CHRM3: variants seen among roughly 807,000 people sequenced by gnomAD.
CHRM3 encodes the protein cholinergic receptor muscarinic 3, also known as muscarinic acetylcholine receptor M3.
A neutral mutation model predicts 41.8 loss-of-function variants in CHRM3; 11 were observed. That is an observed-to-expected ratio of 0.26 (90% confidence interval 0.17 to 0.44). CHRM3 has a LOEUF of 0.44. CHRM3 is among the 20% of genes least tolerant of loss of function. The pLI, the probability that CHRM3 is intolerant of heterozygous loss-of-function variation, is 1.00. For synonymous variants in CHRM3, 297 were observed against 301.4 expected (o/e 0.99, Z 0.15); for missense variants, 571 against 745.4 (o/e 0.77, Z 2.72).
intron 6 of CHRM3, among the ~76,000 whole-genome samples, chr1:239,869,675 A>G (rs541164037): frequency 1.3e-5 from 2 of 152,216 alleles, no homozygotes; most frequent in African/African-American, 4.8e-5. Flanking sequence ...AGAGCTTATA[A>G]TGTGTACTTA....
chr1:239,678,393 A>T (rs2149088003), intron 5 of CHRM3, 105 bp downstream of exon 5: 1 of 152,318 alleles, frequency 6.6e-6, no homozygotes. Context: ...CTGAACAATT[A>T]AATTCATGTG....
Position 239,877,922 on chromosome 1 carries a change from G to T in CHRM3, c.-19-29511G>T, listed in dbSNP as rs185261607. On this transcript the variant is annotated intron_variant, in intron 6 of 6. Coordinates refer to ENST00000676153, the MANE Select transcript of CHRM3 (RefSeq NM_001375978.1). Reference sequence around the variant, plus strand: ...TTTTTTTTTAATGAGACAGAGTCTCGCTCTATCGCCCAGGCTGGAGTGCAG... The same window carrying T: ...TTTTTTTTTAATGAGACAGAGTCTCTCTCTATCGCCCAGGCTGGAGTGCAG... 2.7e-5 allele frequency among the ~76,000 whole-genome samples: 4 copies of T among 148,122 alleles called. No individual in the cohort carries two copies. The South Asian group carries it at 8.6e-4, about 32-fold the overall frequency.
intron 3 of CHRM3, among the ~76,000 whole-genome samples, chr1:239,594,692 T>G (rs1259089319): frequency 6.6e-6 from 1 of 152,200 alleles, no homozygotes; most frequent in Non-Finnish European, 1.5e-5. Context: ...TGCAGAAAAC[T>G]TATGGAATAT....
chr1:239,563,231 A>AT (rs1453990929), intron 3 of CHRM3, among the ~76,000 whole-genome samples: 1 of 151,798 alleles, frequency 6.6e-6, no homozygotes, highest in East Asian at 1.9e-4. Flanking sequence ...CCAGGTGCAC[A>AT]TTTTTTTCTC....
chr1:239,504,981 G>A (rs1277772584), intron 2 of CHRM3, among the ~76,000 whole-genome samples: 1 of 151,814 alleles, frequency 6.6e-6, no homozygotes, highest in African/African-American at 2.4e-5. Context: ...TTGGGTGATG[G>A]GTACACCAAA....
chr1:239,910,319 G>GTA lies in CHRM3; in HGVS notation c.*1109_*1110dup, dbSNP rs1207768024. On this transcript the variant is annotated 3_prime_UTR_variant, in exon 7 of 7. Transcript: ENST00000676153. ...CATACACAGCAATATATATATATGT[G>GTA]TATATATATATATATGGCAAAGCAA... 197 of 157,142 alleles carry GTA rather than the reference G, an allele frequency of 1.3e-3. No individual in the cohort carries two copies. The highest frequency in any genetic ancestry group is 1.9e-3 in the South Asian group (9 of 4,636). The allele number at this position is 157,142 out of a possible 1,614,324, so 9.7% of individuals were successfully genotyped here.
At chr1:239,614,363 G>A (rs565490005) in intron 3 of CHRM3, among the ~76,000 whole-genome samples, 1 of 152,124 alleles carries the variant, frequency 6.6e-6, no homozygotes, top group Non-Finnish European at 1.5e-5. Context: ...ACAGAAGGTA[G>A]GAAAGTGGCT....
At chr1:239,587,702 C>T (rs1018668328) in intron 3 of CHRM3, among the ~76,000 whole-genome samples, 2 of 152,128 alleles carry the variant, frequency 1.3e-5, no homozygotes, top group African/African-American at 4.8e-5. Flanking sequence ...TTCTTAACTC[C>T]TAAGCAACGA....
chr1:239,557,708 C>T (rs772879656), intron 3 of CHRM3, among the ~76,000 whole-genome samples: 1 of 152,140 alleles, frequency 6.6e-6, no homozygotes, highest in Non-Finnish European at 1.5e-5. Context: ...CATTGTTCAG[C>T]TCCCACTTAT....
chr1:239,909,059 C>T lies in CHRM3; in HGVS notation c.1608C>T (p.Asn536=), dbSNP rs776058750. The T allele has an allele frequency of 1.9e-6, 3 of 1,614,062 alleles. No homozygotes were observed. Among genetic ancestry groups the T allele is most frequent in the South Asian group, 1.1e-5 (1 of 91,092 alleles). The stretch of plus-strand genomic sequence containing the variant: ...TGGGCTACTGGCTGTGCTACATCAA[C>T]AGCACCGTGAACCCCGTGTGCTATG... The part of the protein sequence containing the change: ...WNLGYWLCYI[N]STVNPVCYAL... Residue 536 remains asparagine (N), a synonymous_variant, in exon 7 of 7, where the codon AAC becomes AAT. Transcript: ENST00000676153.
At chr1:239,557,690 C>T (rs1196576896) in intron 3 of CHRM3, among the ~76,000 whole-genome samples, 2 of 152,074 alleles carry the variant, frequency 1.3e-5, no homozygotes, top group Admixed American at 6.6e-5. Context: ...CCTGTGTCCA[C>T]GTGTTCTCAT....
intron 5 of CHRM3, among the ~76,000 whole-genome samples, chr1:239,740,340 CT>C (rs953677514): frequency 6.9e-5 from 10 of 145,628 alleles, no homozygotes; most frequent in South Asian, 2.1e-4. Flanking sequence ...AAAATTGTTT[CT>C]TTTTTTTTTC....
intron 3 of CHRM3, among the ~76,000 whole-genome samples, chr1:239,586,995 G>A (rs186532419): frequency 2.0e-5 from 3 of 152,296 alleles, no homozygotes; most frequent in African/African-American, 7.2e-5. Flanking sequence ...TGAGAAATCT[G>A]GGCTCCTACT....
chr1:239,434,599 C>T (rs544123950), intron 1 of CHRM3, among the ~76,000 whole-genome samples: 78 of 152,290 alleles, frequency 5.1e-4, no homozygotes, highest in Non-Finnish European at 8.8e-4. Flanking sequence ...ACCACTCTCC[C>T]AGTAATGGGC....
chr1:239,633,645 T>A (rs2148881472), intron 4 of CHRM3, among the ~76,000 whole-genome samples: 1 of 152,254 alleles, frequency 6.6e-6, no homozygotes, highest in Non-Finnish European at 1.5e-5. Flanking sequence ...GGGGAGAGAC[T>A]TTCAAGAGGA....
At chr1:239,747,694 C>T (rs1665486753) in intron 5 of CHRM3, among the ~76,000 whole-genome samples, 1 of 152,164 alleles carries the variant, frequency 6.6e-6, no homozygotes, top group African/African-American at 2.4e-5. Flanking sequence ...AACATGTTTT[C>T]AAACTATTTT....
intron 5 of CHRM3, among the ~76,000 whole-genome samples, chr1:239,824,849 C>T (rs2149067193): frequency 6.6e-6 from 1 of 152,356 alleles, no homozygotes; most frequent in East Asian, 1.9e-4. Context: ...ATTCTGCCTC[C>T]TTAAAGTATT....
chr1:239,816,605 T>C (rs967817552), intron 5 of CHRM3, among the ~76,000 whole-genome samples: 2 of 152,098 alleles, frequency 1.3e-5, no homozygotes, highest in Non-Finnish European at 2.9e-5. Flanking sequence ...CAAGGTGGAT[T>C]TCTTCAGGAA....
At chr1:239,806,036 G>C (rs554537292) in intron 5 of CHRM3, among the ~76,000 whole-genome samples, 44 of 152,218 alleles carry the variant, frequency 2.9e-4, no homozygotes, top group Admixed American at 3.3e-4. Context: ...CCTAGTCTGT[G>C]GGGGAACCCA....
Sources: allele counts gnomAD v4.1 joint callset (sites outside exome capture counted in the v4.1 genomes callset), GRCh38; gene constraint gnomAD v4.1.1; transcripts MANE v1.5; gene names NCBI Gene and HGNC (gene_info 2026-07-23, HGNC 2026-07-21).